USP34: variants seen among roughly 807,000 people sequenced by gnomAD.
The protein encoded by USP34 is ubiquitin carboxyl-terminal hydrolase 34.
In USP34, 70 loss-of-function variants were observed where a neutral mutation model predicts 460.3. The ratio of observed to expected loss-of-function variants is 0.15; its 90% CI spans 0.13 to 0.19. The LOEUF (loss-of-function observed/expected upper bound fraction) is 0.19. USP34 is among the 10% of genes least tolerant of loss of function. USP34 has a pLI of 1.00. For missense variants in USP34, 3,985 were observed against 4,236.2 expected, an observed-to-expected ratio of 0.94 and a Z score of 1.65; for synonymous variants, 1,647 against 1,405.3, an observed-to-expected ratio of 1.17 and a Z score of -3.85.
Position 61,382,825 on chromosome 2 carries a change from A to G in USP34, c.821+444T>C, listed in dbSNP as rs1369988907. Among the ~76,000 whole-genome samples, 6 of 151,892 alleles carry G rather than the reference A, an allele frequency of 4.0e-5. No individual in the cohort carries two copies. The East Asian group carries it at 1.2e-3, about 29-fold the overall frequency. On this transcript the variant is annotated intron_variant, in intron 6 of 79. Transcript: ENST00000398571. ...CATAAACTGTAACCCACCCCCTAGA[A>G]CTCTCAAGCCACCTTTGCTGCTATT...
At chr2:61,244,547 G>A (rs770095341) in intron 51 of USP34, among the ~76,000 whole-genome samples, 2 of 151,866 alleles carry the variant, frequency 1.3e-5, no homozygotes, top group African/African-American at 4.8e-5. Context: ...CCCAGGAGGT[G>A]GAGGTTGCAG....
chr2:61,339,839 T>C (rs893451094), intron 16 of USP34, among the ~76,000 whole-genome samples, 158 bp from the exon 17 acceptor site: 8 of 151,286 alleles, frequency 5.3e-5, no homozygotes, highest in African/African-American at 1.5e-4. Flanking sequence ...GTTTTGTTTT[T>C]GTTTTTTTTT....
At chr2:61,317,542 G>C (rs1572929427) in intron 23 of USP34, 112 bp downstream of exon 23, 1 of 880,706 alleles carries the variant, frequency 1.1e-6, no homozygotes, top group East Asian at 2.6e-5. Context: ...AAACCCAACT[G>C]CACTGCACAG....
At chr2:61,188,753 TA>T in intron 79 of USP34, 44 bp from the exon 80 acceptor site, 1 of 1,595,962 alleles carries the variant, frequency 6.3e-7, no homozygotes, top group Non-Finnish European at 8.5e-7. Context: ...TGAAAGTCAT[TA>T]AGATCACGTT....
At chr2:61,380,879 G>C (rs908612073) in intron 6 of USP34, among the ~76,000 whole-genome samples, 6 of 152,148 alleles carry the variant, frequency 3.9e-5, no homozygotes, top group African/African-American at 1.4e-4. Context: ...CCAACTACAA[G>C]ACATATATGA....
chr2:61,401,715 A>AT (rs79669039), intron 3 of USP34, among the ~76,000 whole-genome samples: 19,595 of 133,768 alleles, frequency 0.15, 1,609 homozygotes, highest in South Asian at 0.33. Flanking sequence ...CGCCCTGCTA[A>AT]TTTTTTTTTT....
intron 57 of USP34, among the ~76,000 whole-genome samples, chr2:61,235,103 G>A (rs1432433549): frequency 6.6e-6 from 1 of 152,074 alleles, no homozygotes; most frequent in Non-Finnish European, 1.5e-5. Context: ...CTCACAACTC[G>A]CACATACACA....
At chr2:61,426,398 C>G (rs902687749) in intron 1 of USP34, among the ~76,000 whole-genome samples, 3 of 152,032 alleles carry the variant, frequency 2.0e-5, no homozygotes, top group South Asian at 2.1e-4. Flanking sequence ...GGTAACAGAG[C>G]GTTCATGACA....
Position 61,228,676 on chromosome 2 carries a change from T to C in USP34, c.7412A>G (p.His2471Arg), listed in dbSNP as rs779169928. 1.2e-6 allele frequency: 2 copies of C among 1,612,006 alleles called. No individual in the cohort carries two copies. The highest frequency in any genetic ancestry group is 2.2e-5 in the East Asian group (1 of 44,846). The change falls in exon 61 of 80, where the codon CAT (histidine) becomes CGT (arginine). Residue 2471 changes from histidine to arginine, a missense_variant. His to Arg is a conservative substitution (Grantham distance 29). Coordinates refer to ENST00000398571, the MANE Select transcript of USP34 (RefSeq NM_014709.4). ...LSLQAISTMV[H>R]FYMGTKGPEN... ...AGGTCCTTTTGTTCCCATGTAAAAA[T>C]GTACCATTGTAGATATAGCTTGCAA...
At chr2:61,325,843 A>AAT (rs1691070387) in intron 20 of USP34, among the ~76,000 whole-genome samples, 1 of 152,224 alleles carries the variant, frequency 6.6e-6, no homozygotes, top group African/African-American at 2.4e-5. Context: ...CTTTAGTGAT[A>AAT]ATATATTCTG....
intron 1 of USP34, among the ~76,000 whole-genome samples, chr2:61,429,492 T>A (rs1241655793): frequency 6.6e-6 from 1 of 152,172 alleles, no homozygotes; most frequent in African/African-American, 2.4e-5. Context: ...CTGGGTGTGG[T>A]AGCATGCACC....
intron 20 of USP34, among the ~76,000 whole-genome samples, chr2:61,329,136 C>G (rs1469881027): frequency 6.6e-6 from 1 of 152,166 alleles, no homozygotes; most frequent in African/African-American, 2.4e-5. Context: ...GTTCTCCTGC[C>G]TCAGCCGCCT....
chr2:61,428,121 C>A (rs1414175735), intron 1 of USP34, among the ~76,000 whole-genome samples: 2 of 149,850 alleles, frequency 1.3e-5, no homozygotes, highest in Admixed American at 1.3e-4. Flanking sequence ...ACCAAGATTG[C>A]GCCACTGCCC....
chr2:61,246,332 GT>G lies in USP34; in HGVS notation c.6539del (p.Asn2180ThrfsTer12). 6.4e-7 allele frequency: 1 copy of G among 1,552,088 alleles called. No individual in the cohort carries two copies. The highest frequency in any genetic ancestry group is 8.7e-7 in the Non-Finnish European group (1 of 1,150,044). ...RDIVNPHAYK[N>X]NKWYLFNDAE... is the part of the protein sequence containing the mutation. ...AAATATTTAAAACTCACCATTTATT[GT>G]TTTTATAAGCATGGGGATTTACTAT... On this transcript the variant is annotated frameshift_variant, in exon 50 of 80. Coordinates refer to ENST00000398571, the MANE Select transcript of USP34 (RefSeq NM_014709.4). LOFTEE classifies it high-confidence loss of function.
At chr2:61,282,714 C>T (rs1689570065) in intron 37 of USP34, among the ~76,000 whole-genome samples, 1 of 152,014 alleles carries the variant, frequency 6.6e-6, no homozygotes, top group Non-Finnish European at 1.5e-5. Context: ...CGCTTGTTCC[C>T]AGGAGGTTGA....
chr2:61,365,655 A>G (rs532940107), intron 10 of USP34, among the ~76,000 whole-genome samples: 1 of 152,266 alleles, frequency 6.6e-6, no homozygotes, highest in African/African-American at 2.4e-5. Context: ...TTGAGGAAAA[A>G]GGATTTGTCA....
At position 61,339,689 on chromosome 2, in the gene USP34, GAAA is replaced by G. The variant is rs369130574; in HGVS notation, c.2501-11_2501-9del. The G allele has an allele frequency of 1.7e-3, 1,681 of 992,824 alleles. No homozygotes were observed. Among genetic ancestry groups the G allele is most frequent in the South Asian group, 5.1e-3 (174 of 34,130 alleles). The allele number at this position is 992,824 out of a possible 1,614,324, so 61.5% of individuals were successfully genotyped here. ...GTTTATGAACTACAGGTCCTGAAGA[GAAA>G]AAAAAAAAAAAGACACACTATAGAG... On this transcript the variant is annotated splice_polypyrimidine_tract_variant and intron_variant, in intron 16 of 79. Coordinates refer to ENST00000398571, the MANE Select transcript of USP34 (RefSeq NM_014709.4).
At position 61,349,242 on chromosome 2, in the gene USP34, C is replaced by A. The variant is rs773459289; in HGVS notation, c.1543+8G>T. ...CATGTTGCCATGAATTTCTAAGGCT[C>A]AACTTACAAGGTGATGGAGCTGTTC... On this transcript the variant is annotated splice_region_variant and intron_variant, in intron 13 of 79. Coordinates refer to ENST00000398571, the MANE Select transcript of USP34 (RefSeq NM_014709.4). 2 of 1,610,728 alleles carry A rather than the reference C, an allele frequency of 1.2e-6. No homozygotes were observed. Among genetic ancestry groups the A allele is most frequent in the African/African-American group, 2.7e-5 (2 of 74,782 alleles).
chr2:61,229,738 C>A (rs1687837902), intron 58 of USP34, 105 bp from the exon 59 acceptor site: 4 of 953,412 alleles, frequency 4.2e-6, no homozygotes, highest in East Asian at 5.1e-5. Context: ...ATAGTTTGCA[C>A]AAGATTATCT....
Sources: allele counts gnomAD v4.1 joint callset (sites outside exome capture counted in the v4.1 genomes callset), GRCh38; gene constraint gnomAD v4.1.1; transcripts MANE v1.5; gene names NCBI Gene and HGNC (gene_info 2026-07-23, HGNC 2026-07-21).